Variants in LRRC37A2 observed in about 807,000 individuals in gnomAD.
LRRC37A2 encodes the protein leucine rich repeat containing 37 member A2.
A neutral mutation model predicts 68.8 loss-of-function variants in LRRC37A2; 9 were observed. The ratio of observed to expected loss-of-function variants is 0.13; its 90% CI spans 0.08 to 0.23. The LOEUF is 0.23. Among genes scored for constraint, LRRC37A2 ranks in the 10% least tolerant of loss-of-function variants. LRRC37A2 has a pLI of 1.00. For synonymous variants in LRRC37A2, 63 were observed against 367.6 expected, an observed-to-expected ratio of 0.17 and a Z score of 9.48; for missense variants, 168 against 950.4, an observed-to-expected ratio of 0.18 and a Z score of 10.82.
chr17:46,717,006 A>G, the LRRC37A2 span, among the ~76,000 whole-genome samples: 6 of 152,166 alleles, frequency 3.9e-5, no homozygotes, highest in Non-Finnish European at 5.9e-5. Flanking sequence ...TTTTTTCACA[A>G]TTATAAATAA....
At chr17:47,028,713 GC>G in the LRRC37A2 span, among the ~76,000 whole-genome samples, 296 of 151,914 alleles carry the variant, frequency 1.9e-3, 2 homozygotes, top group Non-Finnish European at 3.8e-3. Flanking sequence ...TTCAACACCA[GC>G]CTGGCCAACA....
chr17:46,943,622 A>G, the LRRC37A2 span, among the ~76,000 whole-genome samples: 5 of 152,138 alleles, frequency 3.3e-5, no homozygotes, highest in Admixed American at 1.3e-4. Context: ...TAGTAGGCGC[A>G]GGCGCCATCG....
At chr17:46,952,338 A>G in the LRRC37A2 span, among the ~76,000 whole-genome samples, 1 of 152,230 alleles carries the variant, frequency 6.6e-6, no homozygotes, top group African/African-American at 2.4e-5. Context: ...GGGTGACCAC[A>G]TGACTGCGCG....
At chr17:46,948,253 G>T in the LRRC37A2 span, among the ~76,000 whole-genome samples, 1 of 152,214 alleles carries the variant, frequency 6.6e-6, no homozygotes, top group Non-Finnish European at 1.5e-5. Context: ...GCTGTGGCCA[G>T]TGCATACTGC....
At chr17:46,757,013 A>T in the LRRC37A2 span, 1 of 152,072 alleles carries the variant, frequency 6.6e-6, no homozygotes, top group Non-Finnish European at 1.5e-5. Flanking sequence ...ACTGCTGCTT[A>T]AAATGCAAGG....
At chr17:46,832,420 A>C in the LRRC37A2 span, among the ~76,000 whole-genome samples, 1 of 125,768 alleles carries the variant, frequency 8.0e-6, no homozygotes, top group African/African-American at 3.0e-5. Flanking sequence ...GGTGGAGGAG[A>C]GAAGGGAGGT....
chr17:46,770,269 T>C, the LRRC37A2 span, among the ~76,000 whole-genome samples: 1 of 152,224 alleles, frequency 6.6e-6, no homozygotes, highest in Admixed American at 6.5e-5. Flanking sequence ...GGCCCTGGGC[T>C]GCTGATTAGC....
At chr17:46,907,821 A>G in the LRRC37A2 span, among the ~76,000 whole-genome samples, 1 of 150,420 alleles carries the variant, frequency 6.6e-6, no homozygotes, top group African/African-American at 2.5e-5. Context: ...GTGACACTGT[A>G]CTCCAGCTTG....
At chr17:46,974,054 GT>G in the LRRC37A2 span, among the ~76,000 whole-genome samples, 1 of 152,246 alleles carries the variant, frequency 6.6e-6, no homozygotes, top group Non-Finnish European at 1.5e-5. Context: ...GTAAGTGGAT[GT>G]GGTGATGTAA....
chr17:46,931,011 A>C, the LRRC37A2 span: 1 of 773,058 alleles, frequency 1.3e-6, no homozygotes, highest in African/African-American at 1.7e-5. Context: ...AGTTTATTGG[A>C]TATTGAAAAA....
At chr17:46,832,163 A>AG in the LRRC37A2 span, among the ~76,000 whole-genome samples, 5 of 152,178 alleles carry the variant, frequency 3.3e-5, no homozygotes, top group African/African-American at 1.2e-4. Flanking sequence ...GTGCCTGCAG[A>AG]GGGGGTGCTG....
the LRRC37A2 span, among the ~76,000 whole-genome samples, chr17:46,900,168 C>CATATATATATATATATATAT: frequency 1.6e-5 from 1 of 64,060 alleles, no homozygotes; most frequent in Non-Finnish European, 2.8e-5. Flanking sequence ...TATACATATA[C>CATATATATATATATATATAT]ATATATATAT....
chr17:46,860,595 A>G, the LRRC37A2 span, among the ~76,000 whole-genome samples: 44 of 152,350 alleles, frequency 2.9e-4, no homozygotes, highest in African/African-American at 5.8e-4. Context: ...AGTTAAATGA[A>G]TGTATATATA....
chr17:46,492,701 T>G, the LRRC37A2 span, among the ~76,000 whole-genome samples: 6,887 of 122,638 alleles, frequency 0.056, 2 homozygotes, highest in Middle Eastern at 0.12. Context: ...TTTTTTTTTT[T>G]TTTTTTTTTT....
the LRRC37A2 span, among the ~76,000 whole-genome samples, chr17:46,493,751 A>T: frequency 6.7e-6 from 1 of 148,628 alleles, no homozygotes; most frequent in Non-Finnish European, 1.5e-5. Context: ...GTTAGCCAGG[A>T]TGGTCTTGAT....
At chr17:46,989,621 C>T in the LRRC37A2 span, among the ~76,000 whole-genome samples, 1 of 152,234 alleles carries the variant, frequency 6.6e-6, no homozygotes, top group Non-Finnish European at 1.5e-5. Context: ...GTATCATACC[C>T]TTGTATCGTC....
chr17:46,900,086 C>T, the LRRC37A2 span, among the ~76,000 whole-genome samples: 4 of 148,348 alleles, frequency 2.7e-5, no homozygotes, highest in South Asian at 2.1e-4. Flanking sequence ...GCACAGGCAT[C>T]GGTACTGTTA....
chr17:46,925,761 G>A, the LRRC37A2 span, among the ~76,000 whole-genome samples: 7 of 152,248 alleles, frequency 4.6e-5, no homozygotes, highest in South Asian at 6.2e-4. Context: ...ATCTCTTGCC[G>A]TGTCACTGAA....
chr17:46,811,428 G>T, the LRRC37A2 span, among the ~76,000 whole-genome samples: 1 of 152,200 alleles, frequency 6.6e-6, no homozygotes, highest in Non-Finnish European at 1.5e-5. Context: ...GTATGGGGCC[G>T]TGCCTGCTGG....
Sources: gnomAD v4.1 joint callset for allele counts (sites outside exome capture counted in the v4.1 genomes callset) on GRCh38, gnomAD v4.1.1 for gene constraint, MANE v1.5 for transcripts, NCBI Gene and HGNC (gene_info 2026-07-23, HGNC 2026-07-21) for gene names.